INO80: variants seen among roughly 807,000 people sequenced by gnomAD.
INO80 encodes INO80 complex ATPase subunit, also known as chromatin-remodeling ATPase INO80.
INO80 carries 20 observed loss-of-function variants against 203.4 expected under a neutral mutation model. The observed-to-expected ratio is 0.10, with a 90% CI of 0.07 to 0.14. The LOEUF (loss-of-function observed/expected upper bound fraction) is 0.14. INO80 is among the 10% of genes least tolerant of loss of function. INO80 has a pLI of 1.00. For missense variants in INO80, 1,419 were observed against 1,914.4 expected (o/e 0.74, Z 4.83); for synonymous variants, 726 against 685.2 (o/e 1.06, Z -0.93).
Position 41,041,296 on chromosome 15 carries a change from G to A in INO80, c.2907+3608C>T, listed in dbSNP as rs146511610. ...GGTAGAGATGGGGTTTTGTCATGTT[G>A]GCCAGGCTGGTCTCTAACTCCTGGG... On this transcript the variant is annotated intron_variant, in intron 24 of 35. Coordinates refer to ENST00000648947, the MANE Select transcript of INO80 (RefSeq NM_017553.3). 2.3e-4 allele frequency among the ~76,000 whole-genome samples: 35 copies of A among 152,002 alleles called. No individual in the cohort carries two copies. In the East Asian group the frequency reaches 4.8e-3, roughly 21 times the overall value.
At chr15:41,000,566 G>A (rs762471794) in intron 28 of INO80, among the ~76,000 whole-genome samples, 19 of 151,516 alleles carry the variant, frequency 1.3e-4, no homozygotes, top group Non-Finnish European at 2.5e-4. Context: ...GTGGTGGTAC[G>A]AGCCTGTAGT....
At chr15:40,996,795 C>T (rs1021647982) in intron 29 of INO80, among the ~76,000 whole-genome samples, 1 of 152,150 alleles carries the variant, frequency 6.6e-6, no homozygotes, top group African/African-American at 2.4e-5. Context: ...ATGGGTTTTT[C>T]CATTAATGGA....
chr15:41,017,842 T>C (rs2044233678), intron 26 of INO80: 1 of 152,246 alleles, frequency 6.6e-6, no homozygotes, highest in African/African-American at 2.4e-5. Context: ...CTCTTCTTTT[T>C]GTTGGTCTCC....
At position 40,982,919 on chromosome 15, in the gene INO80, C is replaced by G; in HGVS notation, c.4396G>C (p.Gly1466Arg). ...SAAAMAGAKA[G>R]AAAASAAAYA... is the part of the protein sequence containing the mutation. ...GCAGCTGCAGAGGCCGCTGCAGCCC[C>G]GGCTTTGGCTCCTGCCATTGCAGCA... Residue 1466 changes from glycine (G) to arginine (R), a missense_variant, in exon 35 of 36, where the codon GGG (glycine) becomes CGG (arginine). Coordinates refer to ENST00000648947, the MANE Select transcript of INO80 (RefSeq NM_017553.3). 6.2e-7 allele frequency: 1 copy of G among 1,614,094 alleles called. No homozygotes were observed.
rs532111884 is a variant in INO80, at chr15:41,061,751, G to A, written c.1783-1825C>T. On this transcript the variant is annotated intron_variant, in intron 14 of 35. Transcript: ENST00000648947. ...CTATAAATTATAAAAGAATCAAAGC[G>A]AATTTTTAGAACTGAAAAATATAGT... 8.5e-5 allele frequency among the ~76,000 whole-genome samples: 13 copies of A among 152,152 alleles called. No individual in the cohort carries two copies. The South Asian group carries it at 2.1e-3, about 24-fold the overall frequency.
intron 1 of INO80, among the ~76,000 whole-genome samples, chr15:41,096,862 G>A (rs1204172730): frequency 6.6e-6 from 1 of 152,154 alleles, no homozygotes; most frequent in Non-Finnish European, 1.5e-5. Flanking sequence ...AGATGTATTG[G>A]CAGAGTATTT....
chr15:40,983,193 C>T lies in INO80; in HGVS notation c.4238-116G>A, dbSNP rs571971910. The T allele has an allele frequency of 2.7e-4, 203 of 750,530 alleles. 2 individuals are homozygous for T. The South Asian group carries it at 3.4e-3, about 13-fold the overall frequency. The allele number at this position is 750,530 out of a possible 1,614,324, so 46.5% of individuals were successfully genotyped here. A position where few individuals can be genotyped will look rare whatever the true frequency, so the allele number is the denominator to read the frequency against. On this transcript the variant is annotated intron_variant, in intron 34 of 35. Coordinates refer to ENST00000648947, the MANE Select transcript of INO80 (RefSeq NM_017553.3). ...AGCTCTTAGGGCATTTGTTTTAGGACCCATGAGGAGGTCTATGTCTCCACT... is the reference window on the plus strand; with the variant it reads ...AGCTCTTAGGGCATTTGTTTTAGGATCCATGAGGAGGTCTATGTCTCCACT...
At chr15:41,115,021 G>C (rs960926712) in intron 1 of INO80, among the ~76,000 whole-genome samples, 3 of 152,062 alleles carry the variant, frequency 2.0e-5, no homozygotes, top group African/African-American at 7.2e-5. Flanking sequence ...GAATTTTTTG[G>C]TATTTGAATC....
intron 27 of INO80, among the ~76,000 whole-genome samples, chr15:41,012,349 T>C (rs992735202): frequency 2.6e-5 from 4 of 151,844 alleles, no homozygotes; most frequent in Middle Eastern, 3.4e-3. Flanking sequence ...GGAGGATTAC[T>C]TGAGGTCAGG....
Position 41,095,913 on chromosome 15 carries a change from A to G in INO80, c.159T>C (p.Asp53=), listed in dbSNP as rs147465346. 304 of 1,613,858 alleles carry G rather than the reference A, an allele frequency of 1.9e-4. No homozygotes were observed. In the Middle Eastern group the frequency reaches 2.6e-3, roughly 14 times the overall value. Residue 53 remains aspartate, a synonymous_variant, in exon 3 of 36, where the codon GAT becomes GAC. Coordinates refer to ENST00000648947, the MANE Select transcript of INO80 (RefSeq NM_017553.3). ...NRNISSDDSE[D]GLDDSNPLLP... is the part of the protein sequence containing the mutation. ...ATAATGGATTACTGTCATCCAGTCC[A>G]TCTTCACTGTCATCACTATAAATTG...
intron 18 of INO80, among the ~76,000 whole-genome samples, 195 bp downstream of exon 18, chr15:41,055,052 C>G (rs893614217): frequency 6.6e-6 from 1 of 152,146 alleles, no homozygotes; most frequent in African/African-American, 2.4e-5. Flanking sequence ...TAGTAATCAT[C>G]TAAATTAGTT....
chr15:41,091,267 C>T (rs2045636957), intron 5 of INO80, among the ~76,000 whole-genome samples: 3 of 151,582 alleles, frequency 2.0e-5, no homozygotes. Context: ...ACCAAGTTGG[C>T]TGGGCTGGGC....
chr15:41,000,637 G>A (rs2043946063), intron 28 of INO80, among the ~76,000 whole-genome samples: 1 of 143,338 alleles, frequency 7.0e-6, no homozygotes, highest in Non-Finnish European at 1.5e-5. Flanking sequence ...CAAGGATGCA[G>A]TGAGTTCTAA....
At chr15:41,026,934 C>A (rs1414799158) in intron 25 of INO80, among the ~76,000 whole-genome samples, 1 of 152,198 alleles carries the variant, frequency 6.6e-6, no homozygotes, top group African/African-American at 2.4e-5. Context: ...TTTTGATAAA[C>A]AGGGTATTAG....
At chr15:40,996,514 C>T (rs1299095069) in intron 29 of INO80, among the ~76,000 whole-genome samples, 3 of 151,426 alleles carry the variant, frequency 2.0e-5, no homozygotes, top group Admixed American at 1.3e-4. Context: ...TTGGTAGAGA[C>T]GTGGTTTCAC....
At chr15:41,001,310 A>T (rs531399246) in intron 28 of INO80, among the ~76,000 whole-genome samples, 2 of 152,306 alleles carry the variant, frequency 1.3e-5, no homozygotes, top group African/African-American at 4.8e-5. Flanking sequence ...ATAAAACCAC[A>T]CAGCAAAGAC....
intron 29 of INO80, among the ~76,000 whole-genome samples, chr15:40,990,291 C>T (rs1242421945): frequency 1.3e-5 from 2 of 152,160 alleles, no homozygotes; most frequent in African/African-American, 4.8e-5. Flanking sequence ...TAATCACTAA[C>T]TTCTATGGTG....
At chr15:41,093,157 T>C (rs1216854077) in intron 4 of INO80, among the ~76,000 whole-genome samples, 3 of 151,956 alleles carry the variant, frequency 2.0e-5, no homozygotes, top group Non-Finnish European at 4.4e-5. Flanking sequence ...CCGGGCTCAG[T>C]GGCTCATGTC....
chr15:41,008,816 G>C (rs570818032), intron 27 of INO80, among the ~76,000 whole-genome samples: 1 of 152,224 alleles, frequency 6.6e-6, no homozygotes, highest in South Asian at 2.1e-4. Flanking sequence ...CCCTTACCTA[G>C]TAAATCATAA....
Sources: gnomAD v4.1 joint callset for allele counts (sites outside exome capture counted in the v4.1 genomes callset) on GRCh38, gnomAD v4.1.1 for gene constraint, MANE v1.5 for transcripts, NCBI Gene and HGNC (gene_info 2026-07-23, HGNC 2026-07-21) for gene names.